Variants in QDPR observed in about 807,000 individuals in gnomAD.
The protein encoded by QDPR is dihydropteridine reductase.
In QDPR, 23 loss-of-function variants were observed where a neutral mutation model predicts 31.7. The observed-to-expected ratio is 0.73, with a 90% CI of 0.52 to 1.03. The LOEUF (loss-of-function observed/expected upper bound fraction) is 1.03, where lower values mean the gene tolerates loss of function less well. Ranked by LOEUF, QDPR falls within the 50% of genes least tolerant of loss-of-function variation. QDPR has a pLI of 0.00. For missense variants in QDPR, 324 were observed against 323.8 expected (o/e 1.00, Z 0.00); for synonymous variants, 124 against 124.7 (o/e 0.99, Z 0.03).
rs368164551 is a variant in QDPR, at chr4:17,505,731, C to G, written c.199-1256G>C. Among the ~76,000 whole-genome samples, 66 of 152,260 alleles carry G rather than the reference C, an allele frequency of 4.3e-4. 1 individual carries two copies. In the South Asian group the frequency reaches 0.012, roughly 28 times the overall value. On this transcript the variant is annotated intron_variant, in intron 2 of 6. Transcript: ENST00000281243. ...AAAGACTTAAATCAACACCCTGTGT[C>G]TCTCCCAGTAGGAACATTTCAGTTG...
intron 3 of QDPR, among the ~76,000 whole-genome samples, chr4:17,504,174 C>T (rs1187606769): frequency 6.6e-6 from 1 of 152,136 alleles, no homozygotes; most frequent in Non-Finnish European, 1.5e-5. Context: ...CTCAATGCCC[C>T]CCGTCCCCTC....
intron 3 of QDPR, among the ~76,000 whole-genome samples, chr4:17,503,999 A>G (rs1224587316): frequency 6.6e-6 from 1 of 152,040 alleles, no homozygotes; most frequent in Non-Finnish European, 1.5e-5. Context: ...GGAAGGGAAA[A>G]GAAAAGATGA....
intron 3 of QDPR, among the ~76,000 whole-genome samples, chr4:17,503,861 G>A (rs1329879350): frequency 6.6e-6 from 1 of 152,056 alleles, no homozygotes; most frequent in Non-Finnish European, 1.5e-5. Context: ...TGAGGCAGGA[G>A]AATCGCTTGA....
chr4:17,487,004 G>C lies in QDPR; in HGVS notation c.*127C>G. The C allele has an allele frequency of 1.3e-6, 1 of 768,842 alleles. No homozygotes were observed. The highest frequency in any genetic ancestry group is 2.3e-6 in the Non-Finnish European group (1 of 432,410). The allele number at this position is 768,842 out of a possible 1,614,324, so 47.6% of individuals were successfully genotyped here. ...AGGAGAGCAAATGCATATTATGTGA[G>C]AGAAAAATAGGACTCATTATCTCGT... is the stretch of plus-strand genomic sequence containing the variant. On this transcript the variant is annotated 3_prime_UTR_variant, in exon 7 of 7. Coordinates refer to ENST00000281243, the MANE Select transcript of QDPR (RefSeq NM_000320.3).
chr4:17,493,482 C>T (rs1718242371), intron 4 of QDPR, among the ~76,000 whole-genome samples: 1 of 152,122 alleles, frequency 6.6e-6, no homozygotes, highest in Admixed American at 6.5e-5. Flanking sequence ...GCCACTTAGA[C>T]TTCTGACCAA....
chr4:17,508,567 C>T (rs1718872422), intron 2 of QDPR, among the ~76,000 whole-genome samples: 1 of 151,480 alleles, frequency 6.6e-6, no homozygotes, highest in Non-Finnish European at 1.5e-5. Flanking sequence ...TGTGGCCATT[C>T]CATAAAATGG....
Position 17,511,976 on chromosome 4 carries a change from C to A in QDPR, c.79G>T (p.Val27Leu), listed in dbSNP as rs762772317. ...GGRGALGSRCVQAFRARNWWV... is the reference protein window; with the variant it reads ...GGRGALGSRCLQAFRARNWWV... The stretch of plus-strand genomic sequence containing the variant: ...CAGTTGCGGGCCCGAAAAGCCTGCA[C>A]GCATCGAGAACCCAGAGCGCCCCTG... Residue 27 changes from valine to leucine, a missense_variant, in exon 1 of 7, where the codon GTG becomes TTG. Coordinates refer to ENST00000281243, the MANE Select transcript of QDPR (RefSeq NM_000320.3). 4.3e-6 allele frequency: 7 copies of A among 1,611,112 alleles called. No individual in the cohort carries two copies. In the South Asian group the frequency reaches 4.4e-5, roughly 10 times the overall value.
At chr4:17,489,064 T>G (rs1378134560) in intron 6 of QDPR, among the ~76,000 whole-genome samples, 2 of 152,240 alleles carry the variant, frequency 1.3e-5, no homozygotes, top group African/African-American at 2.4e-5. Context: ...TACACAGGTA[T>G]GCATGTGCCA....
At chr4:17,505,138 A>G (rs1010116091) in intron 2 of QDPR, among the ~76,000 whole-genome samples, 5 of 152,122 alleles carry the variant, frequency 3.3e-5, no homozygotes, top group African/African-American at 1.2e-4. Context: ...ACAGTCTGTC[A>G]GGACAGGCAA....
chr4:17,495,954 T>G (rs1316046039), intron 4 of QDPR, among the ~76,000 whole-genome samples: 1 of 151,826 alleles, frequency 6.6e-6, no homozygotes, highest in Non-Finnish European at 1.5e-5. Context: ...GAGGCTGCAG[T>G]GAGCCAAGAT....
chr4:17,505,667 C>T (rs965102749), intron 2 of QDPR, among the ~76,000 whole-genome samples: 2 of 152,186 alleles, frequency 1.3e-5, no homozygotes, highest in Non-Finnish European at 2.9e-5. Flanking sequence ...GCCCGGGCAA[C>T]ATAACAAGAC....
At chr4:17,496,469 A>AAAAAAAAAAAAAAAC (rs1718361556) in intron 4 of QDPR, among the ~76,000 whole-genome samples, 2 of 142,384 alleles carry the variant, frequency 1.4e-5, no homozygotes, top group Non-Finnish European at 3.1e-5. Flanking sequence ...AAAAAAAAAA[A>AAAAAAAAAAAAAAAC]AAAGAACAAA....
chr4:17,502,141 T>C (rs1035495855), intron 3 of QDPR, among the ~76,000 whole-genome samples: 1 of 152,236 alleles, frequency 6.6e-6, no homozygotes, highest in African/African-American at 2.4e-5. Context: ...TTTGCTGGAC[T>C]GGCTTTAATT....
intron 4 of QDPR, among the ~76,000 whole-genome samples, chr4:17,497,039 G>A (rs771366573): frequency 4.6e-5 from 7 of 152,052 alleles, no homozygotes; most frequent in Admixed American, 1.3e-4. Flanking sequence ...ATGAGCCATC[G>A]CGCCCTGCCA....
intron 1 of QDPR, 61 bp downstream of exon 1, chr4:17,511,889 T>A: frequency 6.5e-7 from 1 of 1,549,728 alleles, no homozygotes; most frequent in Non-Finnish European, 8.8e-7. Flanking sequence ...CCCGCCGGGT[T>A]CCACACGAAA....
chr4:17,491,790 C>G (rs577799764), intron 5 of QDPR, among the ~76,000 whole-genome samples: 97 of 152,220 alleles, frequency 6.4e-4, no homozygotes, highest in African/African-American at 2.1e-3. Context: ...ATACAAAACA[C>G]AAACTGCAAC....
chr4:17,492,408 T>G, intron 4 of QDPR, 68 bp from the exon 5 acceptor site: 2 of 1,233,804 alleles, frequency 1.6e-6, no homozygotes, highest in Non-Finnish European at 2.4e-6. Flanking sequence ...ACATGCAATC[T>G]TCTCTTGAGA....
In QDPR at chr4:17,487,263, T is replaced by A. The variant is rs767213476; in HGVS notation, c.630-27A>T. On this transcript the variant is annotated intron_variant, in intron 6 of 6. Coordinates refer to ENST00000281243, the MANE Select transcript of QDPR (RefSeq NM_000320.3). Reference sequence around the variant, plus strand: ...TGGAACAGAAAATAAAAGTTTTTTTTATATTCTCAAAGCAAAAATCTGGGC... The same window carrying A: ...TGGAACAGAAAATAAAAGTTTTTTTAATATTCTCAAAGCAAAAATCTGGGC... 1.5e-5 allele frequency: 24 copies of A among 1,597,590 alleles called. No individual in the cohort carries two copies. The South Asian group carries it at 1.5e-4, about 10-fold the overall frequency.
intron 2 of QDPR, among the ~76,000 whole-genome samples, chr4:17,508,345 A>G (rs1441730860): frequency 6.6e-6 from 1 of 152,224 alleles, no homozygotes; most frequent in African/African-American, 2.4e-5. Flanking sequence ...AGACTGAGGC[A>G]CAAGAATTGT....
Sources: allele counts gnomAD v4.1 joint callset (sites outside exome capture counted in the v4.1 genomes callset), GRCh38; gene constraint gnomAD v4.1.1; transcripts MANE v1.5; gene names NCBI Gene and HGNC (gene_info 2026-07-23, HGNC 2026-07-21).